The following AFG1L variants were observed in gnomAD, a reference collection of about 807,000 sequenced individuals.
AFG1L encodes the protein AFG1-like ATPase.
A neutral mutation model predicts 62.2 loss-of-function variants in AFG1L; 53 were observed. The observed-to-expected ratio is 0.85, with a 90% CI of 0.68 to 1.07. The LOEUF (loss-of-function observed/expected upper bound fraction) is 1.07, where lower values mean the gene tolerates loss of function less well. AFG1L is among the 50% of genes least tolerant of loss of function. AFG1L has a pLI of 0.00. For missense variants in AFG1L, 555 were observed against 590.5 expected, an observed-to-expected ratio of 0.94 and a Z score of 0.62; for synonymous variants, 228 against 210.3, an observed-to-expected ratio of 1.08 and a Z score of -0.73.
intron 8 of AFG1L, among the ~76,000 whole-genome samples, chr6:108,454,059 T>A (rs1340875154): frequency 6.6e-6 from 1 of 152,238 alleles, no homozygotes; most frequent in African/African-American, 2.4e-5. Flanking sequence ...GCACACCCCA[T>A]TGAAATATTT....
intron 7 of AFG1L, among the ~76,000 whole-genome samples, chr6:108,412,503 G>A (rs939583661): frequency 1.8e-4 from 28 of 152,160 alleles, no homozygotes; most frequent in Non-Finnish European, 3.4e-4. Context: ...AAATGTTAAG[G>A]GCAGCCAGAG....
chr6:108,410,294 G>A (rs1782038837), intron 7 of AFG1L, among the ~76,000 whole-genome samples: 1 of 151,042 alleles, frequency 6.6e-6, no homozygotes. Context: ...GCAAGAGCGA[G>A]ACTCTGTCTT....
At chr6:108,343,246 C>T (rs951895043) in intron 2 of AFG1L, among the ~76,000 whole-genome samples, 2 of 152,028 alleles carry the variant, frequency 1.3e-5, no homozygotes, top group Non-Finnish European at 2.9e-5. Flanking sequence ...GACGGGGTTT[C>T]ACCATGTTGG....
intron 5 of AFG1L, among the ~76,000 whole-genome samples, chr6:108,365,808 A>G (rs908917186): frequency 1.3e-5 from 2 of 152,094 alleles, no homozygotes; most frequent in Non-Finnish European, 2.9e-5. Flanking sequence ...CCAGAAAGGT[A>G]TTAGAAATCT....
In AFG1L at chr6:108,522,308, A is replaced by G. The variant is rs1775154869; in HGVS notation, c.1329A>G (p.Glu443=). The G allele has an allele frequency of 6.2e-7, 1 of 1,613,416 alleles. No individual in the cohort carries two copies. The highest frequency in any genetic ancestry group is 8.5e-7 in the Non-Finnish European group (1 of 1,179,758). The change falls in exon 13 of 13, where the codon GAA becomes GAG. Residue 443 remains glutamate (E), a synonymous_variant. Transcript: ENST00000368977. ...DDLGLSQDSA[E]GLSMFTGEEE... is the part of the protein sequence containing the mutation. ...TGTTTTATAACCAGGATTCAGCAGA[A>G]GGACTCTCCATGTTTACCGGAGAAG...
At chr6:108,414,724 C>G (rs1782280601) in intron 7 of AFG1L, among the ~76,000 whole-genome samples, 1 of 152,174 alleles carries the variant, frequency 6.6e-6, no homozygotes, top group African/African-American at 2.4e-5. Context: ...TTCAATAGCT[C>G]TTCTTGCTAA....
At chr6:108,522,082 G>C in intron 12 of AFG1L, 1 of 337,444 alleles carries the variant, frequency 3.0e-6, no homozygotes, top group Non-Finnish European at 5.5e-6. Flanking sequence ...TCCCTTTTAA[G>C]TTTTCTCTCT....
At chr6:108,459,143 T>A (rs1772361810) in intron 8 of AFG1L, among the ~76,000 whole-genome samples, 1 of 152,160 alleles carries the variant, frequency 6.6e-6, no homozygotes, top group South Asian at 2.1e-4. Flanking sequence ...CACCTGCCCG[T>A]TTCAAGTAGT....
chr6:108,340,756 T>C (rs1270424360), intron 2 of AFG1L, among the ~76,000 whole-genome samples: 1 of 152,094 alleles, frequency 6.6e-6, no homozygotes, highest in African/African-American at 2.4e-5. Context: ...GATAGAAGGT[T>C]GGAAGAAGGA....
At chr6:108,469,432 T>C (rs1772800965) in intron 8 of AFG1L, among the ~76,000 whole-genome samples, 1 of 152,160 alleles carries the variant, frequency 6.6e-6, no homozygotes, top group Non-Finnish European at 1.5e-5. Context: ...TTTTTCTTCA[T>C]TGTTAAATCT....
chr6:108,368,416 C>T (rs965168361), intron 6 of AFG1L, among the ~76,000 whole-genome samples: 1 of 152,126 alleles, frequency 6.6e-6, no homozygotes, highest in Non-Finnish European at 1.5e-5. Context: ...CTAATCAACA[C>T]CTTTTGGATC....
At chr6:108,443,623 C>G (rs997551616) in intron 7 of AFG1L, among the ~76,000 whole-genome samples, 3 of 152,010 alleles carry the variant, frequency 2.0e-5, no homozygotes, top group Non-Finnish European at 4.4e-5. Context: ...GCCTGCAATC[C>G]CAGCACTTTG....
intron 7 of AFG1L, among the ~76,000 whole-genome samples, chr6:108,407,838 A>C (rs1429798871): frequency 1.3e-5 from 2 of 152,104 alleles, no homozygotes; most frequent in African/African-American, 2.4e-5. Flanking sequence ...GATTGTACAT[A>C]TGAGGAGGGA....
At chr6:108,457,970 T>C (rs953840791) in intron 8 of AFG1L, among the ~76,000 whole-genome samples, 3 of 152,016 alleles carry the variant, frequency 2.0e-5, no homozygotes, top group Non-Finnish European at 2.9e-5. Flanking sequence ...CGATGTTGCT[T>C]TCTTCTCTTC....
At chr6:108,320,790 G>T (rs971458532) in intron 1 of AFG1L, among the ~76,000 whole-genome samples, 2 of 152,056 alleles carry the variant, frequency 1.3e-5, no homozygotes, top group South Asian at 4.1e-4. Flanking sequence ...AAGCTGGGGT[G>T]GTAGGATGAG....
chr6:108,397,487 C>T (rs1238175291), intron 6 of AFG1L, among the ~76,000 whole-genome samples: 1 of 152,144 alleles, frequency 6.6e-6, no homozygotes, highest in Non-Finnish European at 1.5e-5. Context: ...AAACTCTTGA[C>T]CTCAAGTGAT....
At chr6:108,302,044 T>G (rs1777021621) in intron 1 of AFG1L, among the ~76,000 whole-genome samples, 2 of 152,086 alleles carry the variant, frequency 1.3e-5, no homozygotes, top group Admixed American at 6.6e-5. Flanking sequence ...TCTCCTGGGT[T>G]CAAGTGACTC....
intron 10 of AFG1L, among the ~76,000 whole-genome samples, chr6:108,492,939 T>TACAC (rs141066470): frequency 5.6e-4 from 84 of 150,904 alleles, no homozygotes; most frequent in Admixed American, 9.3e-4. Flanking sequence ...CAAATAATTA[T>TACAC]ACACACACAC....
chr6:108,395,411 T>TC, intron 6 of AFG1L, among the ~76,000 whole-genome samples: 1 of 147,838 alleles, frequency 6.8e-6, no homozygotes, highest in African/African-American at 2.5e-5. Context: ...TTCTTTTTTT[T>TC]TTTTTTTTTG....
Sources: gnomAD v4.1 joint callset for allele counts (sites outside exome capture counted in the v4.1 genomes callset) on GRCh38, gnomAD v4.1.1 for gene constraint, MANE v1.5 for transcripts, NCBI Gene and HGNC (gene_info 2026-07-23, HGNC 2026-07-21) for gene names.